The following TEX11 variants were observed in gnomAD, a reference collection of about 807,000 sequenced individuals.
TEX11 encodes testis expressed 11, also known as testis-expressed protein 11.
TEX11 carries 7 observed loss-of-function variants against 84.4 expected under a neutral mutation model. The observed-to-expected ratio is 0.08, with a 90% CI of 0.05 to 0.16. TEX11 has a LOEUF of 0.16. Among genes scored for constraint, TEX11 ranks in the 10% least tolerant of loss-of-function variants. TEX11 has a pLI of 1.00. For synonymous variants in TEX11, 264 were observed against 222.8 expected (o/e 1.18, Z -1.64); for missense variants, 551 against 660.5 (o/e 0.83, Z 1.82).
At chrX:70,578,580 A>G (rs2088712623) in intron 25 of TEX11, among the ~76,000 whole-genome samples, 1 of 111,153 alleles carries the variant, frequency 9.0e-6, no homozygotes, top group Admixed American at 9.6e-5. Context: ...TGTGTCTACA[A>G]CTGAAAAAGG....
intron 8 of TEX11, among the ~76,000 whole-genome samples, chrX:70,819,614 C>T (rs1379174538): frequency 1.8e-5 from 2 of 110,837 alleles, no homozygotes; most frequent in Admixed American, 1.9e-4. Context: ...GAAAAAAGCA[C>T]CCAAATGAGA....
chrX:70,689,066 A>T (rs1429491398), intron 13 of TEX11, among the ~76,000 whole-genome samples: 1 of 110,398 alleles, frequency 9.1e-6, no homozygotes, highest in Non-Finnish European at 1.9e-5. Context: ...CTTTACATGT[A>T]TACTAAAATT....
chrX:70,703,703 T>A (rs1400819556), intron 13 of TEX11, among the ~76,000 whole-genome samples: 1 of 111,988 alleles, frequency 8.9e-6, no homozygotes, highest in Non-Finnish European at 1.9e-5. Context: ...ACTACAGCTA[T>A]CTCTAATTCC....
At chrX:70,704,822 A>G (rs1014299155) in intron 13 of TEX11, among the ~76,000 whole-genome samples, 2 of 110,996 alleles carry the variant, frequency 1.8e-5, no homozygotes, top group African/African-American at 6.6e-5. Flanking sequence ...CTTTACTAGG[A>G]AATGTTTAAA....
intron 13 of TEX11, among the ~76,000 whole-genome samples, chrX:70,686,193 T>C (rs1469015263): frequency 8.9e-6 from 1 of 111,988 alleles, no homozygotes; most frequent in Non-Finnish European, 1.9e-5. Context: ...ACTGGGTATA[T>C]ACCCAAGGAA....
At chrX:70,849,348 T>C (rs1168298625) in intron 7 of TEX11, among the ~76,000 whole-genome samples, 1 of 112,123 alleles carries the variant, frequency 8.9e-6, no homozygotes, top group East Asian at 2.8e-4. Flanking sequence ...ACAACTATTA[T>C]AGTACCCAAT....
intron 28 of TEX11, among the ~76,000 whole-genome samples, chrX:70,549,203 G>A (rs1235056530): frequency 2.7e-5 from 3 of 110,809 alleles, no homozygotes; most frequent in African/African-American, 9.8e-5. Flanking sequence ...ACCCAGTCTC[G>A]GCAGGATTCA....
intron 17 of TEX11, among the ~76,000 whole-genome samples, chrX:70,645,973 A>G (rs2089737005): frequency 9.0e-6 from 1 of 111,471 alleles, no homozygotes; most frequent in South Asian, 3.7e-4. Context: ...CGCAATCTTG[A>G]GCAAAAATAA....
intron 7 of TEX11, among the ~76,000 whole-genome samples, chrX:70,848,150 A>G (rs73546728): frequency 0.059 from 6,560 of 111,499 alleles, 462 homozygotes; most frequent in African/African-American, 0.2. Flanking sequence ...GTGCCACCAA[A>G]CCTCTTCCTA....
chrX:70,546,305 C>T (rs976372194), intron 28 of TEX11, among the ~76,000 whole-genome samples: 5 of 111,787 alleles, frequency 4.5e-5, no homozygotes, highest in Non-Finnish European at 9.4e-5. Flanking sequence ...TACAGAAACA[C>T]GTAGGAAAAA....
At chrX:70,826,496 G>A (rs2091347322) in intron 8 of TEX11, among the ~76,000 whole-genome samples, 1 of 111,470 alleles carries the variant, frequency 9.0e-6, no homozygotes, top group African/African-American at 3.3e-5. Context: ...TGTGGAAAGA[G>A]GCATTGAAGA....
chrX:70,788,995 G>T (rs1175593265), intron 9 of TEX11, among the ~76,000 whole-genome samples: 6 of 82,982 alleles, frequency 7.2e-5, no homozygotes, highest in Non-Finnish European at 1.4e-4. Context: ...GAGAGAGAGA[G>T]AGAGAGAGAG....
At chrX:70,836,831 A>C (rs142358167) in intron 7 of TEX11, among the ~76,000 whole-genome samples, 1 of 111,735 alleles carries the variant, frequency 8.9e-6, no homozygotes, top group East Asian at 2.8e-4. Flanking sequence ...AGCCTGGCCA[A>C]GATGGCAAAG....
At chrX:70,532,449 G>A (rs2087900021) in intron 28 of TEX11, among the ~76,000 whole-genome samples, 1 of 112,563 alleles carries the variant, frequency 8.9e-6, no homozygotes, top group Non-Finnish European at 1.9e-5. Flanking sequence ...TTTAAAGGGA[G>A]TTATGGCCTG....
chrX:70,754,072 T>A (rs1022360608), intron 9 of TEX11, among the ~76,000 whole-genome samples: 1 of 110,921 alleles, frequency 9.0e-6, no homozygotes, highest in African/African-American at 3.3e-5. Context: ...GAGGGAAACG[T>A]AAAGGGGACT....
intron 9 of TEX11, among the ~76,000 whole-genome samples, chrX:70,772,295 C>T (rs769627339): frequency 8.9e-6 from 1 of 111,860 alleles, no homozygotes; most frequent in African/African-American, 3.2e-5. Flanking sequence ...ATAATCAAGG[C>T]CAGGTGTGGT....
At chrX:70,625,239 C>T (rs764168256) in intron 18 of TEX11, among the ~76,000 whole-genome samples, 1 of 110,726 alleles carries the variant, frequency 9.0e-6, no homozygotes, top group Non-Finnish European at 1.9e-5. Flanking sequence ...AAAAGAACCC[C>T]AGATTGTCAG....
chrX:70,857,915 T>G (rs768531841), intron 5 of TEX11, among the ~76,000 whole-genome samples: 10 of 111,379 alleles, frequency 9.0e-5, no homozygotes, highest in Non-Finnish European at 1.9e-4. Flanking sequence ...GTGACCTGGA[T>G]GAGATTGGAG....
At position 70,640,041 on chromosome X, in the gene TEX11, T is replaced by C. The variant is rs1603180205; in HGVS notation, c.1484-10306A>G. Among the ~76,000 whole-genome samples the C allele has an allele frequency of 6.5e-5, 7 of 107,414 alleles. No individual in the cohort carries two copies. In the South Asian group the frequency reaches 2.9e-3, roughly 45 times the overall value. The allele number at this position is 107,414 out of a possible 115,157, so 93.3% of individuals were successfully genotyped here. On this transcript the variant is annotated intron_variant, in intron 17 of 29. Coordinates refer to ENST00000374333, the MANE Select transcript of TEX11 (RefSeq NM_031276.3). ...TTTGAAAAAAATTTAGAAGAATGTA[T>C]AACTAGAATAACCAATACAGAGAAG... is the stretch of plus-strand genomic sequence containing the variant.
Sources: allele counts gnomAD v4.1 joint callset (sites outside exome capture counted in the v4.1 genomes callset), GRCh38; gene constraint gnomAD v4.1.1; transcripts MANE v1.5; gene names NCBI Gene and HGNC (gene_info 2026-07-23, HGNC 2026-07-21).